The following PRIM2 variants were observed in gnomAD, a reference collection of about 807,000 sequenced individuals.
PRIM2 encodes DNA primase subunit 2, also known as DNA primase large subunit.
A neutral mutation model predicts 67.3 loss-of-function variants in PRIM2; 39 were observed. That is an observed-to-expected ratio of 0.58 (90% CI 0.45 to 0.76). The LOEUF (loss-of-function observed/expected upper bound fraction) is 0.76. PRIM2 is among the 30% of genes least tolerant of loss of function. The pLI is 0.00. For missense variants in PRIM2, 398 were observed against 598.7 expected (o/e 0.66, Z 3.50); for synonymous variants, 143 against 198.7 (o/e 0.72, Z 2.36).
the PRIM2 span, among the ~76,000 whole-genome samples, chr6:57,233,470 C>T: frequency 1.3e-5 from 2 of 152,140 alleles, no homozygotes; most frequent in Non-Finnish European, 2.9e-5. Context: ...ACTGGTAAAA[C>T]TTCAACCTCT....
chr6:57,345,712 G>A (rs1768653718), intron 5 of PRIM2, among the ~76,000 whole-genome samples: 2 of 152,164 alleles, frequency 1.3e-5, no homozygotes. Context: ...GTGAAAGCAA[G>A]TTTATTAAGA....
intron 7 of PRIM2, among the ~76,000 whole-genome samples, chr6:57,395,093 T>A (rs1770477285): frequency 6.6e-6 from 1 of 152,238 alleles, no homozygotes; most frequent in Admixed American, 6.5e-5. Flanking sequence ...TTAGCAGCTA[T>A]GTTCATCAAG....
chr6:57,620,358 A>T (rs1776829000), intron 12 of PRIM2, among the ~76,000 whole-genome samples: 1 of 152,240 alleles, frequency 6.6e-6, no homozygotes, highest in Non-Finnish European at 1.5e-5. Flanking sequence ...GATTAACAAC[A>T]GATTTCTCAG....
chr6:57,369,815 A>C (rs1241832354), intron 5 of PRIM2, among the ~76,000 whole-genome samples: 1 of 152,202 alleles, frequency 6.6e-6, no homozygotes. Context: ...TGAAATGACA[A>C]GTTTATAGAA....
chr6:57,244,741 CAA>C, the PRIM2 span, among the ~76,000 whole-genome samples: 86 of 146,000 alleles, frequency 5.9e-4, no homozygotes, highest in African/African-American at 1.9e-3. Context: ...AACTCCATCT[CAA>C]AAAAAAAAAA....
At chr6:57,305,677 G>T in the PRIM2 span, among the ~76,000 whole-genome samples, 1 of 152,122 alleles carries the variant, frequency 6.6e-6, no homozygotes, top group Non-Finnish European at 1.5e-5. Flanking sequence ...AGGCTCCTTT[G>T]TTCAAATCAA....
At chr6:57,331,189 GAAAA>G (rs147300105) in intron 5 of PRIM2, among the ~76,000 whole-genome samples, 1 of 98,464 alleles carries the variant, frequency 1.0e-5, no homozygotes, top group Non-Finnish European at 2.2e-5. Flanking sequence ...CTTTGTCTCA[GAAAA>G]AAAAAAAAAA....
At position 57,537,602 on chromosome 6, in the gene PRIM2, A is replaced by G; in HGVS notation, c.997A>G (p.Lys333Glu). 1 of 1,558,042 alleles carries G rather than the reference A, an allele frequency of 6.4e-7. No individual in the cohort carries two copies. The highest frequency in any genetic ancestry group is 1.3e-5 in the South Asian group (1 of 79,606). Residue 333 changes from lysine to glutamate, a missense_variant, in exon 10 of 14, where the codon AAA becomes GAA. Around this residue, in one of 4 missense-constraint regions of PRIM2, gnomAD observed 229 missense variants for 383.6 expected, o/e 0.60. Coordinates refer to ENST00000615550, the MANE Select transcript of PRIM2 (RefSeq NM_000947.5). Reference protein sequence around the residue: ...ALQFWKQEFIKGKMDPDKFDK... With the variant: ...ALQFWKQEFIEGKMDPDKFDK... ...GCAGTTCTGGAAGCAAGAATTTATC[A>G]AAGGAAAGATGGATCCAGACAAGGT...
At chr6:57,550,803 T>G (rs1179026112) in intron 10 of PRIM2, among the ~76,000 whole-genome samples, 3,594 of 152,302 alleles carry the variant, frequency 0.024, 129 homozygotes, top group African/African-American at 0.081. Flanking sequence ...CTTAAAAAGA[T>G]GCCAGTTTAA....
rs1192625202 is a variant in PRIM2, at chr6:57,544,017, A to AT, written c.1020+6399dup. On this transcript the variant is annotated intron_variant, in intron 10 of 13. Coordinates refer to ENST00000615550, the MANE Select transcript of PRIM2 (RefSeq NM_000947.5). ...GCTTAAGGTTCTGATGCCCACTGTT[A>AT]TTTTTTTATTAGGAATTTGATGTTG... Among the ~76,000 whole-genome samples the AT allele has an allele frequency of 1.3e-4, 20 of 152,224 alleles. No individual in the cohort carries two copies. The East Asian group carries it at 3.3e-3, about 25-fold the overall frequency.
the PRIM2 span, among the ~76,000 whole-genome samples, chr6:57,296,186 G>A: frequency 6.6e-6 from 1 of 152,142 alleles, no homozygotes; most frequent in Non-Finnish European, 1.5e-5. Flanking sequence ...ACTACATGCT[G>A]TATGGCTAAA....
intron 5 of PRIM2, among the ~76,000 whole-genome samples, chr6:57,354,339 C>T (rs201328363): frequency 6.6e-6 from 1 of 152,078 alleles, no homozygotes; most frequent in Non-Finnish European, 1.5e-5. Context: ...TATTTTTCTT[C>T]TGAGTATTGT....
At chr6:57,397,882 T>A (rs1477821770) in intron 7 of PRIM2, among the ~76,000 whole-genome samples, 1 of 148,224 alleles carries the variant, frequency 6.7e-6, no homozygotes, top group Non-Finnish European at 1.5e-5. Context: ...AGTTGCTAAT[T>A]TGAGATCTTT....
chr6:57,578,672 TTTTG>T (rs1322877871), intron 10 of PRIM2, among the ~76,000 whole-genome samples: 15 of 104,432 alleles, frequency 1.4e-4, no homozygotes, highest in Non-Finnish European at 2.2e-4. Flanking sequence ...TTCTTTTGTT[TTTTG>T]TTTTTTTTTT....
At chr6:57,298,725 A>T in the PRIM2 span, among the ~76,000 whole-genome samples, 1 of 152,176 alleles carries the variant, frequency 6.6e-6, no homozygotes, top group African/African-American at 2.4e-5. Flanking sequence ...TCATTTGTGT[A>T]ATATGACAAA....
At chr6:57,615,098 T>C (rs1776731476) in intron 12 of PRIM2, among the ~76,000 whole-genome samples, 2 of 152,258 alleles carry the variant, frequency 1.3e-5, no homozygotes, top group Non-Finnish European at 2.9e-5. Context: ...TGCAATTTTG[T>C]GATAGAAATA....
intron 12 of PRIM2, among the ~76,000 whole-genome samples, chr6:57,607,341 T>C (rs1369624677): frequency 4.6e-5 from 7 of 151,900 alleles, no homozygotes; most frequent in Admixed American, 1.3e-4. Flanking sequence ...GAATCAGATA[T>C]AAATCCTGCT....
chr6:57,273,628 G>A, the PRIM2 span, among the ~76,000 whole-genome samples: 1 of 152,156 alleles, frequency 6.6e-6, no homozygotes, highest in African/African-American at 2.4e-5. Flanking sequence ...CTCTCAGCTC[G>A]TCAAAGTCAT....
intron 7 of PRIM2, among the ~76,000 whole-genome samples, chr6:57,411,347 T>C (rs1446370770): frequency 1.3e-5 from 2 of 152,114 alleles, no homozygotes; most frequent in Non-Finnish European, 2.9e-5. Flanking sequence ...TCCTCGCACT[T>C]TGGGAGGCTG....
Sources: allele counts gnomAD v4.1 joint callset (sites outside exome capture counted in the v4.1 genomes callset), GRCh38; gene constraint gnomAD v4.1.1; regional missense constraint gnomAD v4.1.1; transcripts MANE v1.5; gene names NCBI Gene and HGNC (gene_info 2026-07-23, HGNC 2026-07-21).